The following NACA variants were observed in gnomAD, a reference collection of about 807,000 sequenced individuals.
NACA encodes nascent polypeptide-associated complex subunit alpha.
NACA carries 42 observed loss-of-function variants against 86.4 expected under a neutral mutation model. That is an observed-to-expected ratio of 0.49 (90% CI 0.38 to 0.63). The LOEUF is 0.63. Ranked by LOEUF, NACA falls within the 20% of genes least tolerant of loss-of-function variation. The pLI is 0.00. For missense variants in NACA, 2,157 were observed against 2,483.6 expected, an observed-to-expected ratio of 0.87 and a Z score of 2.80; for synonymous variants, 898 against 973.7, an observed-to-expected ratio of 0.92 and a Z score of 1.45.
rs934432450 is a variant in NACA, at chr12:56,716,279, C to T, written c.5251G>A (p.Gly1751Ser). 6 of 1,613,274 alleles carry T rather than the reference C, an allele frequency of 3.7e-6. No individual in the cohort carries two copies. The Admixed American group carries it at 5.0e-5, about 13-fold the overall frequency. Residue 1751 changes from glycine (G) to serine (S), a missense_variant, in exon 3 of 9, where the codon GGC (glycine) becomes AGC (serine). Coordinates refer to ENST00000454682, the MANE Select transcript of NACA (RefSeq NM_001365896.1). The stretch of plus-strand genomic sequence containing the variant: ...TTTGGGGAATGAGAAGCATCTTTGC[C>T]TTTTGCTGTCTTTGAAGAGTCTTTC... ...VQKDSSKTAK[G>S]KDASHSPKGP...
At chr12:56,713,724 G>A in intron 5 of NACA, 41 bp from the exon 6 acceptor site, 23 of 1,593,084 alleles carry the variant, frequency 1.4e-5, no homozygotes, top group Non-Finnish European at 1.9e-5. Flanking sequence ...AACCTCTTTA[G>A]AAGCAGCCTA....
Position 56,713,073 on chromosome 12 carries a change from C to T in NACA, c.6088G>A (p.Glu2030Lys). 1 of 1,614,018 alleles carries T rather than the reference C, an allele frequency of 6.2e-7. No individual in the cohort carries two copies. The highest frequency in any genetic ancestry group is 8.5e-7 in the Non-Finnish European group (1 of 1,179,994). The change falls in exon 7 of 9, where the codon GAA becomes AAA. Residue 2030 changes from glutamate (E) to lysine (K), a missense_variant. Physicochemically the swap from Glu to Lys is moderately conservative, Grantham distance 56. Transcript: ENST00000454682. ...TQTPTVQEESEEEEVDETGVE... is the reference protein window; with the variant it reads ...TQTPTVQEESKEEEVDETGVE... ...ATTTCCTAGTATACCTCTTCCTCTT[C>T]ACTCTCCTCTTGTACAGTTGGAGTC...
chr12:56,713,204 A>G lies in NACA; in HGVS notation c.5971-14T>C. ...TAAATCTTCGATCTACAGGGTAGAA[A>G]ATACAGATCCATGTGAGTAGATTAG... On this transcript the variant is annotated splice_polypyrimidine_tract_variant and intron_variant, in intron 6 of 8. Coordinates refer to ENST00000454682, the MANE Select transcript of NACA (RefSeq NM_001365896.1). The G allele has an allele frequency of 6.2e-7, 1 of 1,613,386 alleles. No individual in the cohort carries two copies. Among genetic ancestry groups the G allele is most frequent in the Non-Finnish European group, 8.5e-7 (1 of 1,179,572 alleles).
At chr12:56,712,603 T>C in intron 8 of NACA, 51 bp from the exon 9 acceptor site, 2 of 1,607,246 alleles carry the variant, frequency 1.2e-6, no homozygotes, top group Non-Finnish European at 1.7e-6. Context: ...ATCAGGAGAA[T>C]TCAGGTCACT....
Position 56,718,802 on chromosome 12 carries a change from C to T in NACA, c.2728G>A (p.Ala910Thr). ...PATPAPKQAP[A>T]LSMTSSSPKK... ...GGGGAGGAAGAAGTCATGGATAGAG[C>T]AGGAGCCTGTTTGGGTGCTGGAGTA... The change falls in exon 3 of 9, where the codon GCT becomes ACT. Residue 910 changes from alanine to threonine, a missense_variant. Physicochemically the swap from Ala to Thr is moderately conservative, Grantham distance 58 (BLOSUM62 0). Transcript: ENST00000454682. 2 of 1,442,958 alleles carry T rather than the reference C, an allele frequency of 1.4e-6. No homozygotes were observed. The highest frequency in any genetic ancestry group is 1.9e-6 in the Non-Finnish European group (2 of 1,070,248). 89.4% of individuals were successfully genotyped at this position (1,442,958 alleles called of 1,614,324 possible).
chr12:56,712,578 G>A (rs1325428875), intron 8 of NACA, 26 bp from the exon 9 acceptor site: 28 of 1,612,426 alleles, frequency 1.7e-5, no homozygotes, highest in Middle Eastern at 1.6e-4. Context: ...GATAATTAGC[G>A]GTTCTTATAG....
rs779989127 is a variant in NACA at position 56,716,382 on chromosome 12, T to A, written c.5148A>T (p.Ile1716=). 1 of 1,610,130 alleles carries A rather than the reference T, an allele frequency of 6.2e-7. No homozygotes were observed. ...TKKSSATSPP[I]CPDPSAKNGS... ...CATTCTTAGCTGAGGGATCTGGGCATATAGGAGGTGAAGTAGCAGAACTCT... is the reference window on the plus strand; with the variant it reads ...CATTCTTAGCTGAGGGATCTGGGCAAATAGGAGGTGAAGTAGCAGAACTCT... Residue 1716 remains isoleucine (I), a synonymous_variant, in exon 3 of 9, where the codon ATA becomes ATT. Transcript: ENST00000454682.
Position 56,714,215 on chromosome 12 carries a change from A to T in NACA, c.5823+147T>A, listed in dbSNP as rs1402896172. The T allele has an allele frequency of 5.9e-6, 4 of 680,360 alleles. No homozygotes were observed. In the Admixed American group the frequency reaches 1.1e-4, roughly 19 times the overall value. The allele number at this position is 680,360 out of a possible 1,614,324, so 42.1% of individuals were successfully genotyped here. On this transcript the variant is annotated intron_variant, in intron 5 of 8. Coordinates refer to ENST00000454682, the MANE Select transcript of NACA (RefSeq NM_001365896.1). ...GTTCAGTGTATACTGCTTGGGTGAC[A>T]GGTGCACCAAAATCTCAAAAATCAC...
At chr12:56,722,133 A>C (rs530534264) in intron 2 of NACA, among the ~76,000 whole-genome samples, 115 of 152,360 alleles carry the variant, frequency 7.5e-4, no homozygotes, top group African/African-American at 2.7e-3. Flanking sequence ...TCAGAATTTA[A>C]TATCAAGTAT....
chr12:56,715,943 G>A lies in NACA; in HGVS notation c.5587C>T (p.Pro1863Ser). 1 of 1,533,746 alleles carries A rather than the reference G, an allele frequency of 6.5e-7. No individual in the cohort carries two copies. The highest frequency in any genetic ancestry group is 8.8e-7 in the Non-Finnish European group (1 of 1,140,178). ...VPFQSVLVNM[P>S]TPKSAGIPVP... ...GGGATTCCAGCAGATTTAGGGGTGGGCATGTTGACGAGGACCGACTGGAAA... is the reference window on the plus strand; with the variant it reads ...GGGATTCCAGCAGATTTAGGGGTGGACATGTTGACGAGGACCGACTGGAAA... The change falls in exon 3 of 9, where the codon CCC (proline) becomes TCC (serine). Residue 1863 changes from proline (P) to serine (S), a missense_variant. Coordinates refer to ENST00000454682, the MANE Select transcript of NACA (RefSeq NM_001365896.1).
chr12:56,723,279 A>G (rs1008057469), intron 2 of NACA, among the ~76,000 whole-genome samples: 6 of 152,232 alleles, frequency 3.9e-5, no homozygotes, highest in African/African-American at 1.2e-4. Flanking sequence ...AATACGTTTA[A>G]TAGCATTAAG....
chr12:56,720,801 G>A lies in NACA; in HGVS notation c.729C>T (p.Ser243=). 6.2e-7 allele frequency: 1 copy of A among 1,613,978 alleles called. No homozygotes were observed. The highest frequency in any genetic ancestry group is 8.5e-7 in the Non-Finnish European group (1 of 1,179,880). The change falls in exon 3 of 9, where the codon TCC becomes TCT. Residue 243 remains serine (S), a synonymous_variant. Transcript: ENST00000454682. The part of the protein sequence containing the change: ...TTPTTTLAIA[S]PQVKDTTISS... ...AAATGGTGGTATCTTTGACTTGAGGGGAAGCGATGGCTAGGGTAGTTGTGG... is the reference window on the plus strand; with the variant it reads ...AAATGGTGGTATCTTTGACTTGAGGAGAAGCGATGGCTAGGGTAGTTGTGG...
intron 3 of NACA, among the ~76,000 whole-genome samples, chr12:56,715,063 T>G (rs978088170): frequency 3.9e-5 from 6 of 152,210 alleles, no homozygotes; most frequent in African/African-American, 1.2e-4. Flanking sequence ...TGTCAGAAGG[T>G]GCCCCCAGAT....
At position 56,717,205 on chromosome 12, in the gene NACA, G is replaced by A. The variant is rs574552110; in HGVS notation, c.4325C>T (p.Ser1442Phe). Residue 1442 changes from serine (S) to phenylalanine (F), a missense_variant, in exon 3 of 9, where the codon TCC (serine) becomes TTC (phenylalanine). Ser to Phe is a radical substitution (Grantham distance 155). Coordinates refer to ENST00000454682, the MANE Select transcript of NACA (RefSeq NM_001365896.1). ...TGAAGTTGCTGGGGCCTTTTTGAGGGAGACAGGAGTCACTGCTGGGGGAGT... is the reference window on the plus strand; with the variant it reads ...TGAAGTTGCTGGGGCCTTTTTGAGGAAGACAGGAGTCACTGCTGGGGGAGT... The part of the protein sequence containing the change: ...DLTPPAVTPV[S>F]LKKAPATSAP... The A allele has an allele frequency of 1.5e-6, 2 of 1,294,084 alleles. No individual in the cohort carries two copies. The highest frequency in any genetic ancestry group is 7.5e-5 in the East Asian group (2 of 26,762). 80.2% of individuals were successfully genotyped at this position (1,294,084 alleles called of 1,614,324 possible).
intron 6 of NACA, 62 bp downstream of exon 6, chr12:56,713,475 G>C: frequency 6.4e-7 from 1 of 1,564,450 alleles, no homozygotes; most frequent in African/African-American, 1.4e-5. Flanking sequence ...GACGCAAAAT[G>C]TCAGCAGTGC....
At position 56,718,349 on chromosome 12, in the gene NACA, C is replaced by T. The variant is rs775646284; in HGVS notation, c.3181G>A (p.Ala1061Thr). ...PLPKGAPTTP[A>T]ATLPSPKGGP... Reference sequence around the variant, plus strand: ...CCTTTTGGGGAGGGAAGAGTTGCAGCTGGGGTTGTGGGGGCCCCTTTGGGG... The same window carrying T: ...CCTTTTGGGGAGGGAAGAGTTGCAGTTGGGGTTGTGGGGGCCCCTTTGGGG... Residue 1061 changes from alanine (A) to threonine (T), a missense_variant, in exon 3 of 9, where the codon GCT becomes ACT. By Grantham distance (58) the Ala-to-Thr change is moderately conservative. This residue lies in a region of NACA where 124 missense variants were observed against 186.5 expected (regional missense o/e 0.66). Coordinates refer to ENST00000454682, the MANE Select transcript of NACA (RefSeq NM_001365896.1). 2.1e-5 allele frequency: 24 copies of T among 1,150,116 alleles called. No homozygotes were observed. Among genetic ancestry groups the T allele is most frequent in the Non-Finnish European group, 2.5e-5 (23 of 923,476 alleles). The allele number at this position is 1,150,116 out of a possible 1,614,324, so 71.2% of individuals were successfully genotyped here. A position where few individuals can be genotyped will look rare whatever the true frequency, so the allele number is the denominator to read the frequency against.
intron 1 of NACA, 46 bp from the exon 2 acceptor site, chr12:56,724,569 T>C (rs1953660008): frequency 6.4e-7 from 1 of 1,567,434 alleles, no homozygotes. Context: ...TTGGGATACA[T>C]TCACTTGCCC....
Position 56,716,114 on chromosome 12 carries a change from G to C in NACA, c.5416C>G (p.Pro1806Ala). 1.9e-6 allele frequency: 3 copies of C among 1,613,492 alleles called. No individual in the cohort carries two copies. The highest frequency in any genetic ancestry group is 2.5e-6 in the Non-Finnish European group (3 of 1,179,784). Residue 1806 changes from proline to alanine, a missense_variant, in exon 3 of 9, where the codon CCA becomes GCA. Pro to Ala is a conservative substitution (Grantham distance 27). Transcript: ENST00000454682. ...TGTTTAGGAGGCAGAGTGGGAACTG[G>C]GGAGGGAGCAAGAGGCAGAGAGACT... The part of the protein sequence containing the change: ...PPVSLPLAPS[P>A]VPTLPPKQQF...
chr12:56,722,894 C>CG (rs1310679615), intron 2 of NACA, among the ~76,000 whole-genome samples: 166 of 42,996 alleles, frequency 3.9e-3, no homozygotes, highest in African/African-American at 0.012. Flanking sequence ...TTAAGGGGGG[C>CG]GGGGGGGAAG....
Sources: allele counts gnomAD v4.1 joint callset (sites outside exome capture counted in the v4.1 genomes callset), GRCh38; gene constraint gnomAD v4.1.1; regional missense constraint gnomAD v4.1.1; transcripts MANE v1.5; gene names NCBI Gene and HGNC (gene_info 2026-07-23, HGNC 2026-07-21).